The following DNAJC1 variants were observed in gnomAD, a reference collection of about 807,000 sequenced individuals.
The protein encoded by DNAJC1 is dnaJ homolog subfamily C member 1.
DNAJC1 carries 58 observed loss-of-function variants against 76.6 expected under a neutral mutation model. The observed-to-expected ratio is 0.76, with a 90% CI of 0.61 to 0.94. The LOEUF is 0.94. DNAJC1 is among the 40% of genes least tolerant of loss of function. The probability of loss-of-function intolerance (pLI) is 0.00; values close to 1 mark genes in which losing one functional copy is unlikely to be tolerated. For missense variants in DNAJC1, 689 were observed against 677.3 expected, an observed-to-expected ratio of 1.02 and a Z score of -0.19; for synonymous variants, 258 against 267.9, an observed-to-expected ratio of 0.96 and a Z score of 0.36.
At chr10:21,963,895 C>A (rs1261654182) in intron 1 of DNAJC1, among the ~76,000 whole-genome samples, 2 of 151,542 alleles carry the variant, frequency 1.3e-5, no homozygotes, top group Non-Finnish European at 2.9e-5. Flanking sequence ...TTATTTACTG[C>A]CTTTATTTAT....
At chr10:21,836,801 G>T (rs60706879) in intron 8 of DNAJC1, among the ~76,000 whole-genome samples, 1 of 152,040 alleles carries the variant, frequency 6.6e-6, no homozygotes, top group African/African-American at 2.4e-5. Flanking sequence ...ATATGCACCC[G>T]ATACAGGAGC....
At chr10:21,799,631 G>A (rs1834790784) in intron 9 of DNAJC1, among the ~76,000 whole-genome samples, 1 of 151,858 alleles carries the variant, frequency 6.6e-6, no homozygotes, top group African/African-American at 2.4e-5. Flanking sequence ...TTTTTACATA[G>A]GCATTTTTCC....
At chr10:21,841,378 C>G (rs952347943) in intron 8 of DNAJC1, among the ~76,000 whole-genome samples, 15 of 152,172 alleles carry the variant, frequency 9.9e-5, no homozygotes, top group African/African-American at 3.4e-4. Context: ...TATCCAGAAT[C>G]TACAATGAAC....
chr10:21,801,575 C>T (rs542712191), intron 9 of DNAJC1, among the ~76,000 whole-genome samples: 3 of 152,176 alleles, frequency 2.0e-5, no homozygotes, highest in Admixed American at 1.3e-4. Context: ...AGCAGTATGG[C>T]GATTCCTCAA....
intron 9 of DNAJC1, among the ~76,000 whole-genome samples, chr10:21,777,823 A>G (rs1834472614): frequency 6.6e-6 from 1 of 152,250 alleles, no homozygotes; most frequent in African/African-American, 2.4e-5. Context: ...TTACAATTGC[A>G]TAATGGTTCA....
chr10:21,790,010 T>TAAAAAAAAAAAAAAAAAAA (rs35639440), intron 9 of DNAJC1, among the ~76,000 whole-genome samples: 10 of 41,092 alleles, frequency 2.4e-4, no homozygotes, highest in African/African-American at 8.3e-4. Flanking sequence ...GCTCTGTCTT[T>TAAAAAAAAAAAAAAAAAAA]AAAAAAAAAA....
intron 9 of DNAJC1, among the ~76,000 whole-genome samples, chr10:21,803,579 G>C (rs1834838743): frequency 6.7e-6 from 1 of 149,436 alleles, no homozygotes; most frequent in African/African-American, 2.5e-5. Flanking sequence ...CTCTTTTACA[G>C]AGTGATTTTC....
rs60598254 is a variant in DNAJC1 at position 21,790,511 on chromosome 10, CA to C, written c.1098+15468del. 2.9e-3 allele frequency among the ~76,000 whole-genome samples: 407 copies of C among 141,634 alleles called. 4 individuals are homozygous for C. Among genetic ancestry groups the C allele is most frequent in the African/African-American group, 8.1e-3 (313 of 38,740 alleles). The allele number at this position is 141,634 out of a possible 152,430, so 92.9% of individuals were successfully genotyped here. ...TGAAACAATGTATTCAATAAATTGC[CA>C]AAAAAAAAAAAGCCACCAAAGAATA... On this transcript the variant is annotated intron_variant, in intron 9 of 11. Coordinates refer to ENST00000376980, the MANE Select transcript of DNAJC1 (RefSeq NM_022365.4).
At chr10:21,921,994 T>C (rs530290491) in intron 3 of DNAJC1, among the ~76,000 whole-genome samples, 1 of 152,130 alleles carries the variant, frequency 6.6e-6, no homozygotes, top group East Asian at 1.9e-4. Flanking sequence ...AAAGGCCTAA[T>C]TTGGTGCAAC....
intron 1 of DNAJC1, among the ~76,000 whole-genome samples, chr10:21,942,332 A>G (rs1032465121): frequency 6.6e-6 from 1 of 152,216 alleles, no homozygotes; most frequent in Non-Finnish European, 1.5e-5. Context: ...ATTCATTCAC[A>G]TAACAGCAAA....
intron 8 of DNAJC1, among the ~76,000 whole-genome samples, chr10:21,822,687 A>C (rs535076761): frequency 1.3e-5 from 2 of 152,188 alleles, no homozygotes; most frequent in Non-Finnish European, 2.9e-5. Flanking sequence ...CTGACAATGA[A>C]CATACATATA....
At chr10:21,909,516 T>C (rs1836818361) in intron 6 of DNAJC1, among the ~76,000 whole-genome samples, 2 of 152,252 alleles carry the variant, frequency 1.3e-5, no homozygotes, top group Non-Finnish European at 2.9e-5. Flanking sequence ...CAGGAATTGT[T>C]GTCTTTCACC....
chr10:21,833,775 C>T (rs1033670303), intron 8 of DNAJC1, among the ~76,000 whole-genome samples: 4 of 151,976 alleles, frequency 2.6e-5, no homozygotes, highest in African/African-American at 7.3e-5. Context: ...ACTGTACCAC[C>T]CACTCACACT....
At chr10:21,975,350 T>TGA (rs770589296) in intron 1 of DNAJC1, among the ~76,000 whole-genome samples, 1 of 148,584 alleles carries the variant, frequency 6.7e-6, no homozygotes, top group Non-Finnish European at 1.5e-5. Flanking sequence ...AGAAAGAGAG[T>TGA]GAGAGAGAGA....
At chr10:21,909,099 G>A (rs1462592926) in intron 6 of DNAJC1, among the ~76,000 whole-genome samples, 2 of 152,184 alleles carry the variant, frequency 1.3e-5, no homozygotes, top group African/African-American at 4.8e-5. Flanking sequence ...TGTTGGCCAG[G>A]CTGGTCTTGA....
chr10:21,907,833 C>A (rs983023885), intron 6 of DNAJC1, among the ~76,000 whole-genome samples: 1 of 150,114 alleles, frequency 6.7e-6, no homozygotes, highest in African/African-American at 2.5e-5. Flanking sequence ...AAAAAATTAG[C>A]CAGGTGTGGT....
At chr10:21,803,921 C>T in intron 9 of DNAJC1, 3 of 983,158 alleles carry the variant, frequency 3.1e-6, no homozygotes, top group East Asian at 2.3e-4. Flanking sequence ...TCAGGTTTTC[C>T]ACTTCCATGA....
chr10:21,991,322 C>T (rs1838323754), intron 1 of DNAJC1, among the ~76,000 whole-genome samples: 1 of 152,054 alleles, frequency 6.6e-6, no homozygotes, highest in Non-Finnish European at 1.5e-5. Flanking sequence ...AATAGATGAG[C>T]TAGCAAAAGT....
chr10:21,898,166 G>C (rs1359038854), intron 7 of DNAJC1, among the ~76,000 whole-genome samples: 1 of 151,902 alleles, frequency 6.6e-6, no homozygotes, highest in East Asian at 1.9e-4. Flanking sequence ...ACACACACAG[G>C]ATTTAATTTG....
Sources: allele counts gnomAD v4.1 joint callset (sites outside exome capture counted in the v4.1 genomes callset), GRCh38; gene constraint gnomAD v4.1.1; transcripts MANE v1.5; gene names NCBI Gene and HGNC (gene_info 2026-07-23, HGNC 2026-07-21).